The following CNOT3 variants were observed in gnomAD, a reference collection of about 807,000 sequenced individuals.
CNOT3 encodes CCR4-associated factor 3.
A neutral mutation model predicts 89.4 loss-of-function variants in CNOT3; 2 were observed. The observed-to-expected ratio is 0.02, with a 90% CI of 0.01 to 0.07. The LOEUF is 0.07. CNOT3 is among the 10% of genes least tolerant of loss of function. CNOT3 has a pLI of 1.00. For synonymous variants in CNOT3, 486 were observed against 402.0 expected (o/e 1.21, Z -2.50); for missense variants, 664 against 1,010.2 (o/e 0.66, Z 4.65).
In CNOT3 at chr19:54,148,441, C is replaced by T. The variant is rs370903869; in HGVS notation, c.1188C>T (p.Ser396=). ...CCCGGCCCCCCAGCGTCCAGCCTAG[C>T]GGAGGCGGAGGCGGCGGCAGCGGAG... ...TQPRPPSVQP[S]GGGGGGSGGG... The change falls in exon 11 of 18, where the codon AGC becomes AGT. Residue 396 remains serine, a synonymous_variant. Coordinates refer to ENST00000221232, the MANE Select transcript of CNOT3 (RefSeq NM_014516.4). The surrounding 1 kb of genome is among the most constrained non-coding windows in gnomAD (Gnocchi z 6.3). The T allele has an allele frequency of 2.0e-4, 313 of 1,566,244 alleles. No individual in the cohort carries two copies. Among genetic ancestry groups the T allele is most frequent in the African/African-American group, 8.5e-4 (63 of 73,998 alleles).
intron 9 of CNOT3, 91 bp downstream of exon 9, chr19:54,146,134 G>C (rs2074660236): frequency 7.1e-7 from 1 of 1,414,648 alleles, no homozygotes; most frequent in Non-Finnish European, 9.7e-7. Context: ...GGCTATGGGA[G>C]CGTAATTGAG....
intron 9 of CNOT3, 116 bp from the exon 10 acceptor site, chr19:54,146,485 C>T (rs2074678677): frequency 2.7e-6 from 2 of 742,214 alleles, no homozygotes; most frequent in Non-Finnish European, 5.0e-6. Flanking sequence ...TTGACCAGCT[C>T]TGGGGCCGCA....
At chr19:54,147,491 A>G (rs2074744797) in intron 10 of CNOT3, among the ~76,000 whole-genome samples, 1 of 152,192 alleles carries the variant, frequency 6.6e-6, no homozygotes, top group African/African-American at 2.4e-5. Context: ...CCAAGCAGCG[A>G]TGCCCAGGAG....
At chr19:54,155,234 C>G (rs775168509) in intron 17 of CNOT3, 75 bp from the exon 18 acceptor site, 50 of 1,575,644 alleles carry the variant, frequency 3.2e-5, no homozygotes, top group Non-Finnish European at 4.1e-5. Context: ...AGAATTGTCC[C>G]CTTTGTCTGT....
intron 17 of CNOT3, chr19:54,154,210 T>C (rs1386830730): frequency 7.1e-6 from 3 of 422,614 alleles, no homozygotes; most frequent in East Asian, 5.6e-5. Flanking sequence ...GGGACCTTGA[T>C]GGCCCCCACT....
Position 54,149,646 on chromosome 19 carries a change from T to A in CNOT3, c.1493T>A (p.Val498Glu), listed in dbSNP as rs773858418. 6.2e-7 allele frequency: 1 copy of A among 1,613,966 alleles called. No individual in the cohort carries two copies. Among genetic ancestry groups the A allele is most frequent in the East Asian group, 2.2e-5 (1 of 44,866 alleles). The stretch of plus-strand genomic sequence containing the variant: ...AACTCAGGGGGACCCAGCCTCCTGG[T>A]GCCACTGCCTGTGAATCCTCCCAGC... Reference protein sequence around the residue: ...GNNSGGPSLLVPLPVNPPSSP... With the variant: ...GNNSGGPSLLEPLPVNPPSSP... The change falls in exon 13 of 18, where the codon GTG (valine) becomes GAG (glutamate). Residue 498 changes from valine to glutamate, a missense_variant. By Grantham distance (121) the Val-to-Glu change is moderately radical. Around this residue, in one of 8 missense-constraint regions of CNOT3, gnomAD observed 545 missense variants for 566.2 expected, o/e 0.96. Coordinates refer to ENST00000221232, the MANE Select transcript of CNOT3 (RefSeq NM_014516.4).
In CNOT3 at chr19:54,145,261, A is replaced by G. The variant is rs770997310; in HGVS notation, c.484-337A>G. Among the ~76,000 whole-genome samples the G allele has an allele frequency of 4.5e-4, 68 of 152,236 alleles. No homozygotes were observed. Among genetic ancestry groups the G allele is most frequent in the Non-Finnish European group, 7.5e-4 (51 of 68,002 alleles). On this transcript the variant is annotated intron_variant, in intron 7 of 17. Coordinates refer to ENST00000221232, the MANE Select transcript of CNOT3 (RefSeq NM_014516.4). The surrounding 1 kb of genome is among the most constrained non-coding windows in gnomAD (Gnocchi z 5.9). ...GGCAGTCACAGTGGTGGGCGGGCTC[A>G]GTTGAGAAATCTGGGCTGTCAGGTG...
Position 54,155,553 on chromosome 19 carries a change from T to G in CNOT3, c.*146T>G. On this transcript the variant is annotated 3_prime_UTR_variant, in exon 18 of 18. Coordinates refer to ENST00000221232, the MANE Select transcript of CNOT3 (RefSeq NM_014516.4). The stretch of plus-strand genomic sequence containing the variant: ...GAAGCAGGGAGGGGGCCGGGAGGTT[T>G]TCCTCTCAGCCCCACCCTGGGGGCC... 1 of 923,788 alleles carries G rather than the reference T, an allele frequency of 1.1e-6. No homozygotes were observed. Among genetic ancestry groups the G allele is most frequent in the Non-Finnish European group, 1.6e-6 (1 of 622,738 alleles). The allele number at this position is 923,788 out of a possible 1,614,324, so 57.2% of individuals were successfully genotyped here. A position where few individuals can be genotyped will look rare whatever the true frequency, so the allele number is the denominator to read the frequency against.
chr19:54,146,298 G>A (rs1426861481), intron 9 of CNOT3, among the ~76,000 whole-genome samples: 1 of 152,198 alleles, frequency 6.6e-6, no homozygotes, highest in African/African-American at 2.4e-5. Flanking sequence ...TGCCTGGGCT[G>A]CCTGAGGAGG....
chr19:54,155,486 C>A lies in CNOT3; in HGVS notation c.*79C>A. ...CAGGTGAGGGCCCTGCCCTGGAAGA[C>A]TGGAGGGAGGCCCCAAGCCACGGGG... On this transcript the variant is annotated 3_prime_UTR_variant, in exon 18 of 18. Coordinates refer to ENST00000221232, the MANE Select transcript of CNOT3 (RefSeq NM_014516.4). 4.7e-6 allele frequency: 5 copies of A among 1,064,128 alleles called. No homozygotes were observed. Among genetic ancestry groups the A allele is most frequent in the Non-Finnish European group, 6.8e-6 (5 of 734,914 alleles). 65.9% of individuals were successfully genotyped at this position (1,064,128 alleles called of 1,614,324 possible). A position where few individuals can be genotyped will look rare whatever the true frequency, so the allele number is the denominator to read the frequency against.
At position 54,148,861 on chromosome 19, in the gene CNOT3, C is replaced by G. The variant is rs1185213818; in HGVS notation, c.1406+118C>G. On this transcript the variant is annotated intron_variant, in intron 12 of 17. Coordinates refer to ENST00000221232, the MANE Select transcript of CNOT3 (RefSeq NM_014516.4). The surrounding 1 kb of genome is among the most constrained non-coding windows in gnomAD (Gnocchi z 6.3). The stretch of plus-strand genomic sequence containing the variant: ...CCCCCGCCCTTGCTGCTGGGAATGG[C>G]CAAGCGCTATCCTCCATCTCCCTCG... 12 of 851,304 alleles carry G rather than the reference C, an allele frequency of 1.4e-5. No individual in the cohort carries two copies. The highest frequency in any genetic ancestry group is 2.0e-5 in the Non-Finnish European group (11 of 555,148). 52.7% of individuals were successfully genotyped at this position (851,304 alleles called of 1,614,324 possible).
chr19:54,152,102 G>A, intron 13 of CNOT3, 124 bp from the exon 14 acceptor site: 5 of 862,150 alleles, frequency 5.8e-6, no homozygotes, highest in Non-Finnish European at 9.3e-6. Flanking sequence ...TAGATTGTGG[G>A]GAGTGGGTCG....
At chr19:54,154,809 C>CT (rs2075325406) in intron 17 of CNOT3, 1 of 153,708 alleles carries the variant, frequency 6.5e-6, no homozygotes, top group African/African-American at 2.4e-5. Flanking sequence ...CAAGTTAGTA[C>CT]ATTTCAGGGC....
In CNOT3 at chr19:54,148,031, G is replaced by GTAGATCTC; in HGVS notation, c.895-117_895-116insTAGATCTC. On this transcript the variant is annotated intron_variant, in intron 10 of 17. Coordinates refer to ENST00000221232, the MANE Select transcript of CNOT3 (RefSeq NM_014516.4). This position sits in a 1 kb window ranked among gnomAD's most constrained non-coding sequence, Gnocchi z 6.3. ...GGTCCCCAAGAGGGCAGGAGCAGGT[G>GTAGATCTC]GGGGCAGCGAGGCCAGAGAGGAGGC... 2 of 717,812 alleles carry GTAGATCTC rather than the reference G, an allele frequency of 2.8e-6. No homozygotes were observed. The highest frequency in any genetic ancestry group is 4.3e-6 in the Non-Finnish European group (2 of 469,978). The allele number at this position is 717,812 out of a possible 1,614,324, so 44.5% of individuals were successfully genotyped here.
intron 2 of CNOT3, 35 bp downstream of exon 2, chr19:54,143,038 C>A: frequency 6.2e-7 from 1 of 1,613,792 alleles, no homozygotes; most frequent in African/African-American, 1.3e-5. Context: ...CCTGTAGCCA[C>A]ATGCTCCCTC....
Position 54,144,758 on chromosome 19 carries a change from C to A in CNOT3, c.483+426C>A, listed in dbSNP as rs2074589472. On this transcript the variant is annotated intron_variant, in intron 7 of 17. Transcript: ENST00000221232. This position sits in a 1 kb window ranked among gnomAD's most constrained non-coding sequence, Gnocchi z 4.8. ...ACATGGAGAAGGCAGAGAACCAGGCCTGAAGGAAGACAGGAGTCTGGGACA... is the reference window on the plus strand; with the variant it reads ...ACATGGAGAAGGCAGAGAACCAGGCATGAAGGAAGACAGGAGTCTGGGACA... Among the ~76,000 whole-genome samples the A allele has an allele frequency of 6.6e-6, 1 of 152,138 alleles. No individual in the cohort carries two copies. The highest frequency in any genetic ancestry group is 1.5e-5 in the Non-Finnish European group (1 of 68,016).
chr19:54,138,856 C>T (rs1198177260), intron 1 of CNOT3, among the ~76,000 whole-genome samples: 7 of 152,222 alleles, frequency 4.6e-5, no homozygotes, highest in Admixed American at 3.9e-4. Context: ...ACAGGACCGT[C>T]CTCAGTGTGG....
At chr19:54,141,596 C>T (rs2074451518) in intron 1 of CNOT3, 1 of 152,250 alleles carries the variant, frequency 6.6e-6, no homozygotes, top group Non-Finnish European at 1.5e-5. Context: ...GTGTTTCCAG[C>T]ATTGCAAAGT....
At chr19:54,150,158 G>C (rs2074989797) in intron 13 of CNOT3, among the ~76,000 whole-genome samples, 1 of 152,108 alleles carries the variant, frequency 6.6e-6, no homozygotes, top group Admixed American at 6.5e-5. Flanking sequence ...ATGCAGCCTG[G>C]TTCCACCCTT....
Sources: allele counts gnomAD v4.1 joint callset (sites outside exome capture counted in the v4.1 genomes callset), GRCh38; gene constraint gnomAD v4.1.1; regional missense constraint gnomAD v4.1.1; non-coding constraint Gnocchi (gnomAD v3.1); transcripts MANE v1.5; gene names NCBI Gene and HGNC (gene_info 2026-07-23, HGNC 2026-07-21).